The following PBX1 variants were observed in gnomAD, a reference collection of about 807,000 sequenced individuals.
The protein encoded by PBX1 is pre-B-cell leukemia transcription factor 1.
PBX1 carries 6 observed loss-of-function variants against 53.4 expected under a neutral mutation model. The ratio of observed to expected loss-of-function variants is 0.11; its 90% CI spans 0.06 to 0.22. The LOEUF (loss-of-function observed/expected upper bound fraction) is 0.22, where lower values mean the gene tolerates loss of function less well. Ranked by LOEUF, PBX1 falls within the 10% of genes least tolerant of loss-of-function variation. The pLI, the probability that PBX1 is intolerant of heterozygous loss-of-function variation, is 1.00. For missense variants in PBX1, 251 were observed against 551.4 expected, an observed-to-expected ratio of 0.46 and a Z score of 5.46; for synonymous variants, 204 against 212.3, an observed-to-expected ratio of 0.96 and a Z score of 0.34.
intron 2 of PBX1, among the ~76,000 whole-genome samples, chr1:164,746,173 A>G (rs573636768): frequency 2.0e-5 from 3 of 152,336 alleles, no homozygotes; most frequent in East Asian, 3.9e-4. Flanking sequence ...ATGTAGAGGT[A>G]TGTTTCCTGT....
chr1:164,597,039 T>C (rs1364000868), intron 2 of PBX1, among the ~76,000 whole-genome samples: 3 of 152,218 alleles, frequency 2.0e-5, no homozygotes. Context: ...TTATTTGGGT[T>C]GGAACCCTGG....
Position 164,595,250 on chromosome 1 carries a change from C to G in PBX1, c.265+31939C>G, listed in dbSNP as rs75769717. On this transcript the variant is annotated intron_variant, in intron 2 of 8. Transcript: ENST00000420696. ...GAAGTTATTGTTGCCCAGAGCTTCCCTGGTACAACTCTATGGACTTGGGCA... is the reference window on the plus strand; with the variant it reads ...GAAGTTATTGTTGCCCAGAGCTTCCGTGGTACAACTCTATGGACTTGGGCA... Among the ~76,000 whole-genome samples, 280 of 152,308 alleles carry G rather than the reference C, an allele frequency of 1.8e-3. 10 individuals carry two copies. The East Asian group carries it at 0.051, about 28-fold the overall frequency.
intron 2 of PBX1, chr1:164,626,183 C>G (rs1457501496): frequency 2.5e-6 from 2 of 811,824 alleles, no homozygotes; most frequent in African/African-American, 3.7e-5. Context: ...TTTAAGGATT[C>G]ATGACATGGG....
intron 8 of PBX1, among the ~76,000 whole-genome samples, chr1:164,824,638 GGATATAGT>G (rs977206155): frequency 1.9e-4 from 29 of 151,988 alleles, no homozygotes; most frequent in African/African-American, 7.0e-4. Context: ...CTTTTGAGAT[GGATATAGT>G]GTTATGCAAG....
chr1:164,838,648 T>A (rs1273304849), intron 8 of PBX1, among the ~76,000 whole-genome samples: 2 of 152,160 alleles, frequency 1.3e-5, no homozygotes, highest in Non-Finnish European at 2.9e-5. Flanking sequence ...GTACTAAGTC[T>A]GGCAAATCCT....
intron 2 of PBX1, among the ~76,000 whole-genome samples, chr1:164,615,172 T>G (rs1168664667): frequency 6.6e-6 from 1 of 152,230 alleles, no homozygotes; most frequent in African/African-American, 2.4e-5. Context: ...AAAGGAAGTT[T>G]ATGGACACAA....
At chr1:164,562,370 C>T (rs1653115223) in intron 1 of PBX1, among the ~76,000 whole-genome samples, 1 of 151,396 alleles carries the variant, frequency 6.6e-6, no homozygotes, top group South Asian at 2.1e-4. Context: ...TATTTTGTTT[C>T]CAAAACAGTA....
rs774807158 is a variant in PBX1, at chr1:164,668,590, C to T, written c.265+105279C>T. The stretch of plus-strand genomic sequence containing the variant: ...CCTGCCAAAATCACTTGGCCACAGC[C>T]CCAAGATAATATTTGAAGTTCTTGT... On this transcript the variant is annotated intron_variant, in intron 2 of 8. Transcript: ENST00000420696. Among the ~76,000 whole-genome samples the T allele has an allele frequency of 3.2e-4, 49 of 152,258 alleles. 1 individual carries two copies. The highest frequency in any genetic ancestry group is 2.1e-4 in the South Asian group (1 of 4,824).
intron 2 of PBX1, among the ~76,000 whole-genome samples, chr1:164,649,683 A>G (rs1659674166): frequency 6.6e-6 from 1 of 152,140 alleles, no homozygotes; most frequent in African/African-American, 2.4e-5. Flanking sequence ...TACTGTAGCA[A>G]ACTTTCAAGT....
At chr1:164,829,099 A>C (rs1670622756) in intron 8 of PBX1, 1 of 152,242 alleles carries the variant, frequency 6.6e-6, no homozygotes, top group Non-Finnish European at 1.5e-5. Flanking sequence ...TACACACATC[A>C]ATAGGACATG....
At chr1:164,563,183 C>G (rs1308085262) in intron 1 of PBX1, 55 bp from the exon 2 acceptor site, 2 of 1,201,668 alleles carry the variant, frequency 1.7e-6, no homozygotes, top group Non-Finnish European at 2.5e-6. Context: ...TGTGCATTAT[C>G]GGCAGTTTGA....
chr1:164,607,335 G>A (rs1656625373), intron 2 of PBX1, among the ~76,000 whole-genome samples: 1 of 152,162 alleles, frequency 6.6e-6, no homozygotes, highest in Non-Finnish European at 1.5e-5. Context: ...AGTTTAAAAA[G>A]CTATTTTTGC....
At chr1:164,610,584 TA>T (rs763283182) in intron 2 of PBX1, among the ~76,000 whole-genome samples, 8 of 152,004 alleles carry the variant, frequency 5.3e-5, no homozygotes, top group Admixed American at 3.9e-4. Flanking sequence ...GGATTAGCAA[TA>T]ATTTGGTGGA....
At chr1:164,700,457 A>C (rs1034388939) in intron 2 of PBX1, 2 of 985,294 alleles carry the variant, frequency 2.0e-6, no homozygotes, top group Non-Finnish European at 2.4e-6. Context: ...GAGGAGATTC[A>C]TGTTACTTGA....
At chr1:164,597,407 CAT>C (rs1241253289) in intron 2 of PBX1, among the ~76,000 whole-genome samples, 1 of 152,170 alleles carries the variant, frequency 6.6e-6, no homozygotes, top group Non-Finnish European at 1.5e-5. Flanking sequence ...GAAAATATAA[CAT>C]AGTTCTATGA....
chr1:164,711,408 C>T (rs1006885771), intron 2 of PBX1, among the ~76,000 whole-genome samples: 3 of 152,180 alleles, frequency 2.0e-5, no homozygotes, highest in East Asian at 1.9e-4. Flanking sequence ...GGACTACAGG[C>T]GCCCGCCACC....
intron 2 of PBX1, among the ~76,000 whole-genome samples, chr1:164,679,269 C>T (rs1661609422): frequency 6.6e-6 from 1 of 152,246 alleles, no homozygotes; most frequent in Non-Finnish European, 1.5e-5. Flanking sequence ...GACTACAAAA[C>T]CCTTGCCAAA....
chr1:164,771,952 C>G (rs915506074), intron 2 of PBX1, among the ~76,000 whole-genome samples: 1 of 152,104 alleles, frequency 6.6e-6, no homozygotes, highest in African/African-American at 2.4e-5. Flanking sequence ...ATGTAGAAAC[C>G]GAGATCTTTG....
chr1:164,766,048 C>T (rs1667045535), intron 2 of PBX1, among the ~76,000 whole-genome samples: 1 of 152,102 alleles, frequency 6.6e-6, no homozygotes, highest in Admixed American at 6.5e-5. Context: ...TCTCATTTGG[C>T]AATCAGAAAA....
Sources: allele counts gnomAD v4.1 joint callset (sites outside exome capture counted in the v4.1 genomes callset), GRCh38; gene constraint gnomAD v4.1.1; transcripts MANE v1.5; gene names NCBI Gene and HGNC (gene_info 2026-07-23, HGNC 2026-07-21).